FAM107B: variants seen among roughly 807,000 people sequenced by gnomAD.
The protein encoded by FAM107B is family with sequence similarity 107 member B.
FAM107B carries 21 observed loss-of-function variants against 31.5 expected under a neutral mutation model. That is an observed-to-expected ratio of 0.67 (90% CI 0.47 to 0.96). The LOEUF (loss-of-function observed/expected upper bound fraction) is 0.96. FAM107B is among the 40% of genes least tolerant of loss of function. The pLI is 0.00. For missense variants in FAM107B, 452 were observed against 377.1 expected, an observed-to-expected ratio of 1.20 and a Z score of -1.64; for synonymous variants, 157 against 141.5, an observed-to-expected ratio of 1.11 and a Z score of -0.78.
chr10:14,723,570 T>C, intron 1 of FAM107B: 1 of 658,386 alleles, frequency 1.5e-6, no homozygotes. Flanking sequence ...TACTGTTGCA[T>C]GGAAAGGCTA....
intron 2 of FAM107B, among the ~76,000 whole-genome samples, chr10:14,619,568 A>C (rs1216284552): frequency 2.0e-5 from 3 of 152,070 alleles, no homozygotes; most frequent in Non-Finnish European, 4.4e-5. Context: ...TTTTACAGGC[A>C]TGTGTTTTCT....
chr10:14,572,739 T>TTTATATA (rs1325278545), intron 2 of FAM107B, among the ~76,000 whole-genome samples: 1 of 91,994 alleles, frequency 1.1e-5, no homozygotes, highest in South Asian at 3.8e-4. Context: ...AAAAAAAAAT[T>TTTATATA]TATATATATA....
intron 1 of FAM107B, among the ~76,000 whole-genome samples, chr10:14,746,520 C>T (rs1353351925): frequency 6.6e-6 from 1 of 152,166 alleles, no homozygotes; most frequent in Non-Finnish European, 1.5e-5. Context: ...ATTTGCTTGT[C>T]TGAAAAGGAT....
rs961033953 is a variant in FAM107B, at chr10:14,741,804, T to C, written c.411+32449A>G. 1.1e-4 allele frequency among the ~76,000 whole-genome samples: 16 copies of C among 139,168 alleles called. No individual in the cohort carries two copies. In the Admixed American group the frequency reaches 1.2e-3, roughly 10 times the overall value. The allele number at this position is 139,168 out of a possible 152,430, so 91.3% of individuals were successfully genotyped here. A position where few individuals can be genotyped will look rare whatever the true frequency, so the allele number is the denominator to read the frequency against. ...GGTGCAATCTCGGCTCACTGCAAGC[T>C]CCGCCTCCTGGGTTCACGCCATTCT... On this transcript the variant is annotated intron_variant, in intron 1 of 4. Transcript: ENST00000181796.
At chr10:14,654,656 G>C (rs2131453124) in intron 2 of FAM107B, among the ~76,000 whole-genome samples, 1 of 151,880 alleles carries the variant, frequency 6.6e-6, no homozygotes. Context: ...GCCCACATAG[G>C]GTAATTCAAA....
intron 1 of FAM107B, chr10:14,723,115 T>C (rs1342138474): frequency 5.0e-6 from 2 of 398,360 alleles, no homozygotes; most frequent in South Asian, 3.8e-5. Flanking sequence ...GATTGATGTT[T>C]ATTTTCCATC....
intron 2 of FAM107B, chr10:14,663,585 A>G (rs1033934407): frequency 6.6e-6 from 1 of 152,238 alleles, no homozygotes. Flanking sequence ...CATCACATTA[A>G]AAGGAAGTTC....
At chr10:14,558,728 G>A (rs533676171) in intron 2 of FAM107B, among the ~76,000 whole-genome samples, 3 of 152,174 alleles carry the variant, frequency 2.0e-5, no homozygotes, top group Non-Finnish European at 4.4e-5. Context: ...TGCTAAGTGT[G>A]TGGAGCTGGA....
chr10:14,554,606 G>C (rs1449558868), intron 2 of FAM107B, among the ~76,000 whole-genome samples: 1 of 152,200 alleles, frequency 6.6e-6, no homozygotes, highest in South Asian at 2.1e-4. Flanking sequence ...CATGCCAGGA[G>C]TTCTGCTTAA....
chr10:14,632,627 A>AG (rs1393149101), intron 2 of FAM107B, among the ~76,000 whole-genome samples: 11 of 151,732 alleles, frequency 7.2e-5, no homozygotes, highest in Non-Finnish European at 1.2e-4. Flanking sequence ...AAAAAAAAAA[A>AG]AGAGAATTCA....
intron 3 of FAM107B, among the ~76,000 whole-genome samples, chr10:14,528,760 A>C (rs909307641): frequency 2.6e-5 from 4 of 152,234 alleles, no homozygotes; most frequent in Non-Finnish European, 5.9e-5. Context: ...CTTTCTCTAA[A>C]AAATGTGGAA....
At chr10:14,571,288 A>G (rs1851204549) in intron 2 of FAM107B, among the ~76,000 whole-genome samples, 1 of 152,192 alleles carries the variant, frequency 6.6e-6, no homozygotes, top group Non-Finnish European at 1.5e-5. Flanking sequence ...GGGGTGACAC[A>G]CACATTCAGA....
At chr10:14,750,181 G>A (rs992444706) in intron 1 of FAM107B, among the ~76,000 whole-genome samples, 8 of 152,206 alleles carry the variant, frequency 5.3e-5, no homozygotes, top group Non-Finnish European at 1.2e-4. Context: ...ACCCACAAGC[G>A]TCTTCTAAAG....
chr10:14,682,276 C>T (rs572692284), intron 1 of FAM107B, among the ~76,000 whole-genome samples: 2 of 152,260 alleles, frequency 1.3e-5, no homozygotes, highest in East Asian at 3.9e-4. Context: ...TGCCTGTAAT[C>T]CCAGAACTTT....
chr10:14,737,722 TTTCCCAGGC>T (rs1327803914), intron 1 of FAM107B, among the ~76,000 whole-genome samples: 3 of 150,878 alleles, frequency 2.0e-5, no homozygotes, highest in Admixed American at 6.6e-5. Context: ...CCTGAAAACG[TTTCCCAGGC>T]TTCCCTGGCC....
intron 2 of FAM107B, among the ~76,000 whole-genome samples, chr10:14,562,243 T>A (rs1444930596): frequency 2.0e-5 from 3 of 152,248 alleles, no homozygotes; most frequent in Admixed American, 6.5e-5. Flanking sequence ...GGTCTTTTAA[T>A]CTAAAACAAT....
At chr10:14,705,320 A>C (rs1855494927) in intron 1 of FAM107B, among the ~76,000 whole-genome samples, 1 of 152,182 alleles carries the variant, frequency 6.6e-6, no homozygotes, top group Non-Finnish European at 1.5e-5. Flanking sequence ...AAAAATAATT[A>C]CACATACAAC....
intron 2 of FAM107B, among the ~76,000 whole-genome samples, chr10:14,646,482 T>A (rs1038927794): frequency 6.6e-6 from 1 of 152,226 alleles, no homozygotes; most frequent in Non-Finnish European, 1.5e-5. Context: ...TCCAGCTCCA[T>A]CAAAGTTGCC....
chr10:14,702,158 C>G (rs972439467), intron 1 of FAM107B, among the ~76,000 whole-genome samples: 4 of 152,204 alleles, frequency 2.6e-5, no homozygotes, highest in Non-Finnish European at 4.4e-5. Flanking sequence ...GGAACAAAGA[C>G]ACGCACATAG....
Sources: allele counts gnomAD v4.1 joint callset (sites outside exome capture counted in the v4.1 genomes callset), GRCh38; gene constraint gnomAD v4.1.1; transcripts MANE v1.5; gene names NCBI Gene and HGNC (gene_info 2026-07-23, HGNC 2026-07-21).